CA10: variants seen among roughly 807,000 people sequenced by gnomAD.
The protein encoded by CA10 is carbonic anhydrase-related protein 10.
In CA10, 14 loss-of-function variants were observed where a neutral mutation model predicts 44.2. The ratio of observed to expected loss-of-function variants is 0.32; its 90% CI spans 0.21 to 0.50. CA10 has a LOEUF of 0.50. Ranked by LOEUF, CA10 falls within the 20% of genes least tolerant of loss-of-function variation. The pLI, the probability that CA10 is intolerant of heterozygous loss-of-function variation, is 0.99. For synonymous variants in CA10, 159 were observed against 141.6 expected (o/e 1.12, Z -0.87); for missense variants, 350 against 409.7 (o/e 0.85, Z 1.26).
intron 1 of CA10, among the ~76,000 whole-genome samples, chr17:52,156,042 C>A (rs1458239936): frequency 6.6e-6 from 1 of 152,126 alleles, no homozygotes; most frequent in African/African-American, 2.4e-5. Flanking sequence ...AGAGAGGATG[C>A]TGGAGGAAAT....
At chr17:51,664,756 AATG>A (rs1167760895) in intron 4 of CA10, among the ~76,000 whole-genome samples, 3 of 152,124 alleles carry the variant, frequency 2.0e-5, no homozygotes, top group Non-Finnish European at 4.4e-5. Flanking sequence ...AATGTGATTG[AATG>A]ATATTTCGGG....
At chr17:51,842,677 T>C (rs1040398791) in intron 3 of CA10, among the ~76,000 whole-genome samples, 1 of 152,188 alleles carries the variant, frequency 6.6e-6, no homozygotes, top group Non-Finnish European at 1.5e-5. Context: ...GAAATATGTA[T>C]AACTGATCAT....
At chr17:51,874,480 T>A (rs1490230142) in intron 3 of CA10, among the ~76,000 whole-genome samples, 1 of 151,264 alleles carries the variant, frequency 6.6e-6, no homozygotes, top group Non-Finnish European at 1.5e-5. Flanking sequence ...TCCCAGGCAA[T>A]AGTAATTGTT....
intron 4 of CA10, among the ~76,000 whole-genome samples, chr17:51,735,317 TCA>T (rs1916864654): frequency 6.6e-6 from 1 of 152,140 alleles, no homozygotes; most frequent in South Asian, 2.1e-4. Context: ...CTGCCTGTTC[TCA>T]CTCATAAGTG....
chr17:51,707,118 AT>A (rs1173726028), intron 4 of CA10, among the ~76,000 whole-genome samples: 1 of 152,150 alleles, frequency 6.6e-6, no homozygotes, highest in Non-Finnish European at 1.5e-5. Flanking sequence ...CGGTGCCTAG[AT>A]TCTCATAGAA....
At chr17:52,100,039 A>G (rs1337428859) in intron 1 of CA10, among the ~76,000 whole-genome samples, 1 of 152,220 alleles carries the variant, frequency 6.6e-6, no homozygotes, top group Non-Finnish European at 1.5e-5. Context: ...ATGATTGTAG[A>G]TAATAAGCTC....
intron 2 of CA10, among the ~76,000 whole-genome samples, chr17:52,002,184 C>G (rs960201801): frequency 1.3e-5 from 2 of 151,548 alleles, no homozygotes; most frequent in Middle Eastern, 3.4e-3. Context: ...CACATGTACC[C>G]TATAACTTAA....
At chr17:51,798,111 C>T (rs1227537335) in intron 3 of CA10, among the ~76,000 whole-genome samples, 1 of 152,196 alleles carries the variant, frequency 6.6e-6, no homozygotes, top group Non-Finnish European at 1.5e-5. Context: ...GCACAATGCA[C>T]ATGCCCTGTC....
intron 1 of CA10, among the ~76,000 whole-genome samples, chr17:52,101,597 G>A (rs927502729): frequency 7.9e-5 from 12 of 152,142 alleles, no homozygotes; most frequent in African/African-American, 2.9e-4. Context: ...CACATGTCTT[G>A]AAGACCATCC....
chr17:52,042,440 G>A (rs1160565019), intron 2 of CA10, among the ~76,000 whole-genome samples: 2 of 151,630 alleles, frequency 1.3e-5, no homozygotes, highest in South Asian at 2.1e-4. Context: ...TAAATTAGGG[G>A]TTTTTTTGTT....
intron 2 of CA10, among the ~76,000 whole-genome samples, chr17:51,992,333 T>C (rs1356457697): frequency 6.6e-6 from 1 of 152,154 alleles, no homozygotes; most frequent in African/African-American, 2.4e-5. Flanking sequence ...ACCATCATTG[T>C]TATCCTCACT....
intron 1 of CA10, among the ~76,000 whole-genome samples, chr17:52,150,761 G>T (rs1989686349): frequency 6.6e-6 from 1 of 152,044 alleles, no homozygotes; most frequent in Non-Finnish European, 1.5e-5. Context: ...TAATCTTCAT[G>T]ACACCAATGC....
chr17:52,108,561 G>T (rs555896372), intron 1 of CA10, among the ~76,000 whole-genome samples: 1 of 151,776 alleles, frequency 6.6e-6, no homozygotes, highest in East Asian at 1.9e-4. Flanking sequence ...TTAGCTGGGC[G>T]TGGTGGTGTG....
Position 51,820,405 on chromosome 17 carries a change from ACCC to A in CA10, c.280-72590_280-72588del, listed in dbSNP as rs748623140. On this transcript the variant is annotated intron_variant, in intron 3 of 8. Transcript: ENST00000451037. Reference sequence around the variant, plus strand: ...GTTTTATAAACCTGGGGATTCCCCTACCCCCCCCCCCCCGCCCGCCGATTTTCC... The same window carrying A: ...GTTTTATAAACCTGGGGATTCCCCTACCCCCCCCCCGCCCGCCGATTTTCC... Among the ~76,000 whole-genome samples the A allele has an allele frequency of 7.9e-4, 31 of 39,200 alleles. 3 individuals are homozygous for A. Among genetic ancestry groups the A allele is most frequent in the Middle Eastern group, 0.021 (1 of 48 alleles). The allele number at this position is 39,200 out of a possible 152,430, so 25.7% of individuals were successfully genotyped here.
At position 51,633,622 on chromosome 17, in the gene CA10, T is replaced by C. The variant is rs765690627; in HGVS notation, c.818A>G (p.Asn273Ser). The C allele has an allele frequency of 6.2e-7, 1 of 1,613,836 alleles. No individual in the cohort carries two copies. The highest frequency in any genetic ancestry group is 8.5e-7 in the Non-Finnish European group (1 of 1,179,858). The change falls in exon 8 of 9, where the codon AAC becomes AGC. Residue 273 changes from asparagine (N) to serine (S), a missense_variant. Transcript: ENST00000451037. ...GCTCAGAAAGATCTGAGATGGCTGG[T>C]TCTGGCTGAGCAGGCGCAAGGAATG... ...QMHSLRLLSQ[N>S]QPSQIFLSMS...
At chr17:52,033,591 C>T (rs1279437765) in intron 2 of CA10, among the ~76,000 whole-genome samples, 1 of 151,918 alleles carries the variant, frequency 6.6e-6, no homozygotes, top group Non-Finnish European at 1.5e-5. Flanking sequence ...GAACTAAAAC[C>T]CAATGGATCT....
At chr17:52,043,965 G>C (rs973301414) in intron 2 of CA10, among the ~76,000 whole-genome samples, 1 of 152,024 alleles carries the variant, frequency 6.6e-6, no homozygotes, top group African/African-American at 2.4e-5. Flanking sequence ...CTAGTATTTT[G>C]CTGAGGATTT....
At chr17:51,850,615 G>A (rs1402531197) in intron 3 of CA10, among the ~76,000 whole-genome samples, 1 of 152,204 alleles carries the variant, frequency 6.6e-6, no homozygotes, top group Admixed American at 6.5e-5. Context: ...TGGGAGGACC[G>A]ACAGGCAAGC....
chr17:51,732,371 C>T (rs1269689401), intron 4 of CA10, among the ~76,000 whole-genome samples: 1 of 152,206 alleles, frequency 6.6e-6, no homozygotes, highest in Non-Finnish European at 1.5e-5. Flanking sequence ...GGGTGACACT[C>T]CTGTTTGTCT....
Sources: gnomAD v4.1 joint callset for allele counts (sites outside exome capture counted in the v4.1 genomes callset) on GRCh38, gnomAD v4.1.1 for gene constraint, MANE v1.5 for transcripts, NCBI Gene and HGNC (gene_info 2026-07-23, HGNC 2026-07-21) for gene names.